Variants in PTK2 observed in about 807,000 individuals in gnomAD.
PTK2 encodes the protein focal adhesion kinase 1.
Under a neutral mutation model 150.1 loss-of-function variants are expected in PTK2, and 45 were observed. That is an observed-to-expected ratio of 0.30 (90% CI 0.24 to 0.38). PTK2 has a LOEUF of 0.38. PTK2 is among the 10% of genes least tolerant of loss of function. The probability of loss-of-function intolerance (pLI) is 1.00; values close to 1 mark genes in which losing one functional copy is unlikely to be tolerated. For synonymous variants in PTK2, 432 were observed against 449.2 expected, an observed-to-expected ratio of 0.96 and a Z score of 0.48; for missense variants, 919 against 1,307.3, an observed-to-expected ratio of 0.70 and a Z score of 4.58.
intron 1 of PTK2, among the ~76,000 whole-genome samples, chr8:140,926,599 C>T (rs1306190348): frequency 1.3e-5 from 2 of 152,282 alleles, no homozygotes; most frequent in African/African-American, 2.4e-5. Context: ...AGTAATCCTG[C>T]CCCAATATGA....
chr8:140,679,037 T>A (rs11988584), intron 27 of PTK2, among the ~76,000 whole-genome samples: 3 of 95,938 alleles, frequency 3.1e-5, no homozygotes, highest in East Asian at 2.7e-4. Context: ...TTTTTTTTTT[T>A]TTTTTGAGAC....
At position 140,659,801 on chromosome 8, in the gene PTK2, T is replaced by C. The variant is rs941802001; in HGVS notation, c.2947-123A>G. 43 of 819,420 alleles carry C rather than the reference T, an allele frequency of 5.2e-5. 2 individuals are homozygous for C. In the Admixed American group the frequency reaches 1.1e-3, roughly 22 times the overall value. 50.8% of individuals were successfully genotyped at this position (819,420 alleles called of 1,614,324 possible). A position where few individuals can be genotyped will look rare whatever the true frequency, so the allele number is the denominator to read the frequency against. On this transcript the variant is annotated intron_variant, in intron 31 of 31. Transcript: ENST00000522684. ...AACTCCTGGGCTCAAGGAATCTTCC[T>C]GCCTCAGCCTTCCCACTAGCTGGGA...
At chr8:140,970,398 T>C (rs758663413) in intron 1 of PTK2, among the ~76,000 whole-genome samples, 3 of 152,272 alleles carry the variant, frequency 2.0e-5, no homozygotes, top group African/African-American at 4.8e-5. Flanking sequence ...AAAGCTCAGA[T>C]ATTGATCTTT....
rs11464275 is a variant in PTK2 at position 140,738,953 on chromosome 8, ATT to A, written c.1825+63_1825+64del. The A allele has an allele frequency of 1.1e-4, 119 of 1,080,336 alleles. 2 individuals are homozygous for A. In the South Asian group the frequency reaches 2.4e-3, roughly 22 times the overall value. The allele number at this position is 1,080,336 out of a possible 1,614,324, so 66.9% of individuals were successfully genotyped here. On this transcript the variant is annotated intron_variant, in intron 21 of 31. Coordinates refer to ENST00000522684, the Ensembl canonical transcript of PTK2. ...AACCTACATATTCCAAAAAGAGATA[ATT>A]TTTTTTTGTATAACATATGAAATAT...
intron 26 of PTK2, among the ~76,000 whole-genome samples, chr8:140,698,924 A>ATT (rs10713722): frequency 0.014 from 1,377 of 96,168 alleles, 41 homozygotes; most frequent in Middle Eastern, 0.027. Flanking sequence ...TAATTTTTGT[A>ATT]TTTTTTTTTT....
intron 16 of PTK2, among the ~76,000 whole-genome samples, chr8:140,753,806 AAC>A (rs2100064113): frequency 6.6e-6 from 1 of 152,360 alleles, no homozygotes; most frequent in African/African-American, 2.4e-5. Context: ...GACAGCAAGT[AAC>A]TTGCCTGTTT....
intron 24 of PTK2, among the ~76,000 whole-genome samples, chr8:140,703,244 CAGAG>C (rs2100031775): frequency 6.6e-6 from 1 of 151,486 alleles, no homozygotes; most frequent in South Asian, 2.1e-4. Flanking sequence ...GCCTGGGTGA[CAGAG>C]AGAGACTCCG....
At chr8:140,775,801 C>G (rs1187466204) in intron 14 of PTK2, among the ~76,000 whole-genome samples, 1 of 152,188 alleles carries the variant, frequency 6.6e-6, no homozygotes, top group Non-Finnish European at 1.5e-5. Context: ...GAAAAGGACA[C>G]CTATCAAAAT....
chr8:140,802,083 T>TAA (rs35068428), intron 11 of PTK2, among the ~76,000 whole-genome samples: 95 of 148,462 alleles, frequency 6.4e-4, no homozygotes, highest in Admixed American at 5.9e-3. Context: ...TCTACTTATT[T>TAA]AAAAAAAAAA....
chr8:140,697,199 T>C (rs1380335102), intron 26 of PTK2, among the ~76,000 whole-genome samples: 2 of 136,998 alleles, frequency 1.5e-5, no homozygotes, highest in Non-Finnish European at 1.6e-5. Context: ...CTCGATGCCA[T>C]CATGGCCTCC....
intron 20 of PTK2, among the ~76,000 whole-genome samples, chr8:140,742,022 G>A (rs1413614095): frequency 6.6e-6 from 1 of 152,194 alleles, no homozygotes; most frequent in Non-Finnish European, 1.5e-5. Context: ...CGTAGTACCA[G>A]CAATTTGGGA....
At chr8:140,912,375 T>C (rs936796982) in intron 2 of PTK2, among the ~76,000 whole-genome samples, 7 of 152,118 alleles carry the variant, frequency 4.6e-5, no homozygotes, top group Admixed American at 3.9e-4. Context: ...GGCTCGTGCC[T>C]GTCAGGTACT....
At chr8:140,752,198 A>C (rs2100063115) in intron 17 of PTK2, 34 bp downstream of exon 20, 1 of 1,539,186 alleles carries the variant, frequency 6.5e-7, no homozygotes, top group Non-Finnish European at 9.0e-7. Context: ...ATAGAAAGTC[A>C]AATGGAGTTC....
At chr8:140,739,144 TATCTGCTTAAGA>T in intron 20 of PTK2, 37 bp from the exon 24 acceptor site, 1 of 1,396,600 alleles carries the variant, frequency 7.2e-7, no homozygotes, top group Non-Finnish European at 9.8e-7. Context: ...TTTTCCTTGT[TATCTGCTTAAGA>T]ATCTAACAGA....
intron 2 of PTK2, among the ~76,000 whole-genome samples, chr8:140,897,252 CA>C (rs1362246306): frequency 6.6e-6 from 1 of 151,896 alleles, no homozygotes; most frequent in African/African-American, 2.4e-5. Context: ...AATAGGTCTT[CA>C]AAAAATAGGC....
chr8:140,901,020 A>G (rs2100158241), intron 2 of PTK2, among the ~76,000 whole-genome samples: 1 of 152,212 alleles, frequency 6.6e-6, no homozygotes, highest in Admixed American at 6.5e-5. Context: ...ACAATAAGCT[A>G]TAGTAACCAA....
chr8:140,991,803 A>C (rs1202049903), intron 1 of PTK2, among the ~76,000 whole-genome samples: 2 of 151,852 alleles, frequency 1.3e-5, no homozygotes, highest in Non-Finnish European at 2.9e-5. Flanking sequence ...GAGCCCAGGA[A>C]TTCAAGACCA....
At chr8:140,989,516 C>T (rs2154610206) in intron 1 of PTK2, among the ~76,000 whole-genome samples, 1 of 148,084 alleles carries the variant, frequency 6.8e-6, no homozygotes, top group Admixed American at 6.7e-5. Flanking sequence ...ACAGAAGCTA[C>T]AAATTAATGA....
chr8:140,944,666 A>C (rs2100177053), intron 1 of PTK2, among the ~76,000 whole-genome samples: 1 of 152,262 alleles, frequency 6.6e-6, no homozygotes, highest in Non-Finnish European at 1.5e-5. Flanking sequence ...AATAAAGACC[A>C]GAAGGATGTG....
Sources: allele counts gnomAD v4.1 joint callset (sites outside exome capture counted in the v4.1 genomes callset), GRCh38; gene constraint gnomAD v4.1.1; transcripts MANE v1.5; gene names NCBI Gene and HGNC (gene_info 2026-07-23, HGNC 2026-07-21).